Variants in BIRC6 observed in about 807,000 individuals in gnomAD.
BIRC6 encodes the protein dual E2 ubiquitin-conjugating enzyme/E3 ubiquitin-protein ligase BIRC6.
In BIRC6, 98 loss-of-function variants were observed where a neutral mutation model predicts 503.3. The observed-to-expected ratio is 0.19, with a 90% CI of 0.17 to 0.23. BIRC6 has a LOEUF of 0.23. Among genes scored for constraint, BIRC6 ranks in the 10% least tolerant of loss-of-function variants. The pLI is 1.00. For missense variants in BIRC6, 5,360 were observed against 5,806.0 expected (o/e 0.92, Z 2.50); for synonymous variants, 2,240 against 2,078.7 (o/e 1.08, Z -2.11).
At chr2:32,439,737 A>G in intron 16 of BIRC6, 51 bp downstream of exon 16, 1 of 1,523,662 alleles carries the variant, frequency 6.6e-7, no homozygotes, top group Non-Finnish European at 9.0e-7. Context: ...AACATTGTGG[A>G]TCAGATTTAA....
intron 2 of BIRC6, 105 bp from the exon 3 acceptor site, chr2:32,380,048 A>G: frequency 3.8e-6 from 3 of 783,412 alleles, no homozygotes; most frequent in Non-Finnish European, 5.8e-6. Flanking sequence ...AGTACCTGTC[A>G]TAATCATTGC....
rs766524409 is a variant in BIRC6 at position 32,388,840 on chromosome 2, G to A, written c.736G>A (p.Val246Ile). ...TGAACTCAAGAAAATAAATCAAAAT[G>A]TTGCTGCCTTACCTGTGGCGTCCTC... The part of the protein sequence containing the change: ...VNELKKINQN[V>I]AALPVASSVM... Residue 246 changes from valine to isoleucine, a missense_variant, in exon 4 of 74, where the codon GTT becomes ATT. Transcript: ENST00000421745. The A allele has an allele frequency of 6.2e-7, 1 of 1,613,422 alleles. No homozygotes were observed. The highest frequency in any genetic ancestry group is 8.5e-7 in the Non-Finnish European group (1 of 1,179,622).
intron 66 of BIRC6, among the ~76,000 whole-genome samples, chr2:32,580,223 G>A (rs1015731066): frequency 6.6e-6 from 1 of 152,098 alleles, no homozygotes; most frequent in African/African-American, 2.4e-5. Context: ...CAAAGTTCTG[G>A]GAGTACATAC....
intron 31 of BIRC6, 143 bp from the exon 32 acceptor site, chr2:32,470,871 C>A: frequency 1.2e-6 from 1 of 814,964 alleles, no homozygotes; most frequent in Non-Finnish European, 1.8e-6. Flanking sequence ...ATTTTTTAGA[C>A]TTATTACATA....
chr2:32,397,313 A>G (rs1038616180), intron 6 of BIRC6, among the ~76,000 whole-genome samples: 7 of 151,866 alleles, frequency 4.6e-5, no homozygotes, highest in Admixed American at 6.6e-5. Flanking sequence ...TCTGCTAAAG[A>G]TACAATAAAT....
chr2:32,606,978 G>T (rs907222261), intron 71 of BIRC6, among the ~76,000 whole-genome samples: 13 of 150,126 alleles, frequency 8.7e-5, no homozygotes, highest in Non-Finnish European at 1.6e-4. Context: ...TTGCACTCCA[G>T]CCTGGGTGAC....
rs778791171 is a variant in BIRC6, at chr2:32,435,505, T to C, written c.3419T>C (p.Ile1140Thr). The C allele has an allele frequency of 4.5e-6, 7 of 1,553,074 alleles. No individual in the cohort carries two copies. Among genetic ancestry groups the C allele is most frequent in the African/African-American group, 4.1e-5 (3 of 73,256 alleles). Residue 1140 changes from isoleucine to threonine, a missense_variant, in exon 14 of 74, where the codon ATT (isoleucine) becomes ACT (threonine). Ile to Thr is a moderately conservative substitution (Grantham distance 89, BLOSUM62 -1). Coordinates refer to ENST00000421745, the MANE Select transcript of BIRC6 (RefSeq NM_016252.4). Reference sequence around the variant, plus strand: ...TTTCCTTTGTCTCCAGCTCTTAACATTGAAGTGGAACAAAATGGGAAACCG... The same window carrying C: ...TTTCCTTTGTCTCCAGCTCTTAACACTGAAGTGGAACAAAATGGGAAACCG... The part of the protein sequence containing the change: ...PGLGKVNALN[I>T]EVEQNGKPSL...
intron 10 of BIRC6, among the ~76,000 whole-genome samples, chr2:32,423,390 C>T (rs1027225368): frequency 6.6e-6 from 1 of 152,088 alleles, no homozygotes; most frequent in African/African-American, 2.4e-5. Flanking sequence ...TGTATAACCA[C>T]CAGTACTGAT....
At chr2:32,411,770 C>T (rs918157568) in intron 9 of BIRC6, among the ~76,000 whole-genome samples, 4 of 152,006 alleles carry the variant, frequency 2.6e-5, no homozygotes, top group South Asian at 2.1e-4. Flanking sequence ...TGGGCCACCG[C>T]GTCTGGCCTA....
intron 69 of BIRC6, 53 bp from the exon 70 acceptor site, chr2:32,599,686 T>C: frequency 6.6e-7 from 1 of 1,521,772 alleles, no homozygotes; most frequent in South Asian, 1.2e-5. Context: ...TTTTTCTAAA[T>C]ATCAGTGTTT....
At chr2:32,423,573 C>G (rs150856454) in intron 10 of BIRC6, among the ~76,000 whole-genome samples, 312 of 152,234 alleles carry the variant, frequency 2.0e-3, no homozygotes, top group African/African-American at 7.1e-3. Flanking sequence ...TGTCTGGTTT[C>G]TTTCACTCAG....
chr2:32,404,754 T>C (rs1364288612), intron 8 of BIRC6, among the ~76,000 whole-genome samples: 1 of 152,114 alleles, frequency 6.6e-6, no homozygotes, highest in East Asian at 1.9e-4. Flanking sequence ...CTTTACCTCC[T>C]GGGCTCAAGT....
At chr2:32,531,278 C>A in intron 60 of BIRC6, 77 bp from the exon 61 acceptor site, 1 of 1,264,914 alleles carries the variant, frequency 7.9e-7, no homozygotes, top group Non-Finnish European at 1.1e-6. Context: ...GCAGTAATAC[C>A]TGCTTTTGTA....
chr2:32,420,703 G>C (rs2042841321), intron 10 of BIRC6, among the ~76,000 whole-genome samples: 7 of 151,898 alleles, frequency 4.6e-5, no homozygotes, highest in Admixed American at 3.9e-4. Flanking sequence ...GTAGAGATGA[G>C]GTTTTACTCT....
chr2:32,591,180 G>A (rs2061361361), intron 66 of BIRC6, among the ~76,000 whole-genome samples: 1 of 152,044 alleles, frequency 6.6e-6, no homozygotes. Context: ...GTTTTTGTCA[G>A]ACTATTCAAG....
chr2:32,506,673 C>T (rs1001351211), intron 50 of BIRC6, among the ~76,000 whole-genome samples: 1 of 152,156 alleles, frequency 6.6e-6, no homozygotes, highest in African/African-American at 2.4e-5. Context: ...TTTAGGTGTT[C>T]CCTACTTAAG....
chr2:32,510,674 A>G (rs372548407), intron 53 of BIRC6, 40 bp downstream of exon 53: 2 of 1,270,106 alleles, frequency 1.6e-6, no homozygotes, highest in Non-Finnish European at 2.3e-6. Context: ...ACACACATGC[A>G]CATAATCATG....
In BIRC6 at chr2:32,416,018, A is replaced by C. The variant is rs777399592; in HGVS notation, c.2727A>C (p.Gly909=). 6.2e-7 allele frequency: 1 copy of C among 1,613,916 alleles called. No individual in the cohort carries two copies. Among genetic ancestry groups the C allele is most frequent in the Admixed American group, 1.7e-5 (1 of 59,998 alleles). The change falls in exon 10 of 74, where the codon GGA becomes GGC. Residue 909 remains glycine (G), a synonymous_variant. Transcript: ENST00000421745. ...GACACCTGGTAATAACCACTCAGGG[A>C]GGATATGTAAAAATACTAGATCTTT... The part of the protein sequence containing the change: ...TLGHLVITTQ[G]GYVKILDLSN...
intron 33 of BIRC6, among the ~76,000 whole-genome samples, chr2:32,474,793 C>G (rs2049538512): frequency 6.6e-6 from 1 of 152,068 alleles, no homozygotes; most frequent in Admixed American, 6.6e-5. Flanking sequence ...TCTGAAAATA[C>G]TGATTTGTAG....
Sources: gnomAD v4.1 joint callset for allele counts (sites outside exome capture counted in the v4.1 genomes callset) on GRCh38, gnomAD v4.1.1 for gene constraint, MANE v1.5 for transcripts, NCBI Gene and HGNC (gene_info 2026-07-23, HGNC 2026-07-21) for gene names.